Variants in SMOC2 observed in about 807,000 individuals in gnomAD.
SMOC2 encodes the protein SPARC related modular calcium binding 2.
In SMOC2, 39 loss-of-function variants were observed where a neutral mutation model predicts 61.4. The observed-to-expected ratio is 0.64, with a 90% CI of 0.49 to 0.83. The LOEUF (loss-of-function observed/expected upper bound fraction) is 0.83. SMOC2 is among the 40% of genes least tolerant of loss of function. SMOC2 has a pLI of 0.00. For missense variants in SMOC2, 556 were observed against 592.9 expected, an observed-to-expected ratio of 0.94 and a Z score of 0.65; for synonymous variants, 247 against 239.9, an observed-to-expected ratio of 1.03 and a Z score of -0.27.
At chr6:168,527,407 A>C (rs1395367767) in intron 3 of SMOC2, among the ~76,000 whole-genome samples, 2 of 152,198 alleles carry the variant, frequency 1.3e-5, no homozygotes, top group African/African-American at 2.4e-5. Context: ...CCACACTAGC[A>C]GTCAGTAAAG....
rs571716235 is a variant in SMOC2 at position 168,649,658 on chromosome 6, C to T, written c.908-1023C>T. Among the ~76,000 whole-genome samples the T allele has an allele frequency of 7.9e-5, 12 of 152,318 alleles. No individual in the cohort carries two copies. The East Asian group carries it at 1.9e-3, about 24-fold the overall frequency. Reference sequence around the variant, plus strand: ...CCAGTTGGAATCGGCAAATTTTGCTCCCTGCTTGTGAAGCTCTTAAACCCG... The same window carrying T: ...CCAGTTGGAATCGGCAAATTTTGCTTCCTGCTTGTGAAGCTCTTAAACCCG... On this transcript the variant is annotated intron_variant, in intron 9 of 12. Transcript: ENST00000356284.
rs1787669638 is a variant in SMOC2 at position 168,666,646 on chromosome 6, T to C, written c.*208T>C. ...CAGAAAATTAATCACATACAATGTATGTGTCCTCTTTTGACCTTGGAAATC... is the reference window on the plus strand; with the variant it reads ...CAGAAAATTAATCACATACAATGTACGTGTCCTCTTTTGACCTTGGAAATC... On this transcript the variant is annotated 3_prime_UTR_variant, in exon 13 of 13. Transcript: ENST00000356284. 3.3e-6 allele frequency: 2 copies of C among 609,712 alleles called. No homozygotes were observed. Among genetic ancestry groups the C allele is most frequent in the Admixed American group, 6.1e-5 (2 of 32,842 alleles). 37.8% of individuals were successfully genotyped at this position (609,712 alleles called of 1,614,324 possible).
intron 1 of SMOC2, among the ~76,000 whole-genome samples, chr6:168,480,219 T>C (rs1782176027): frequency 6.6e-6 from 1 of 152,096 alleles, no homozygotes; most frequent in Non-Finnish European, 1.5e-5. Flanking sequence ...TTACAAGGCA[T>C]ACAGAAAATG....
In SMOC2 at chr6:168,607,101, G is replaced by A. The variant is rs58918167; in HGVS notation, c.825-1056G>A. ...TCTCCCGGGAACGCACCTCCCCGGC[G>A]TCTCCTTCATGCTGGTGAGAAGCCC... On this transcript the variant is annotated intron_variant, in intron 8 of 12. Coordinates refer to ENST00000356284, the MANE Select transcript of SMOC2 (RefSeq NM_001166412.2). Among the ~76,000 whole-genome samples the A allele has an allele frequency of 1.0e-2, 1,514 of 152,150 alleles. 25 individuals are homozygous for A. The highest frequency in any genetic ancestry group is 0.034 in the African/African-American group (1,431 of 41,490).
intron 1 of SMOC2, among the ~76,000 whole-genome samples, chr6:168,480,518 T>C (rs763103145): frequency 2.4e-4 from 37 of 152,012 alleles, no homozygotes; most frequent in Non-Finnish European, 4.3e-4. Context: ...TTTGAGCAGA[T>C]GGAAGAAAGG....
chr6:168,651,489 CT>C (rs1385110986), intron 10 of SMOC2, among the ~76,000 whole-genome samples: 1 of 152,156 alleles, frequency 6.6e-6, no homozygotes, highest in African/African-American at 2.4e-5. Context: ...GATATTCCCC[CT>C]GATCTAGCCA....
chr6:168,600,156 A>G (rs929213920), intron 8 of SMOC2, among the ~76,000 whole-genome samples: 5 of 152,282 alleles, frequency 3.3e-5, no homozygotes, highest in Admixed American at 1.3e-4. Context: ...CTGTAATCCC[A>G]GAACCGTGGG....
intron 9 of SMOC2, among the ~76,000 whole-genome samples, chr6:168,644,993 A>G (rs1035327638): frequency 6.6e-6 from 1 of 152,254 alleles, no homozygotes; most frequent in South Asian, 2.1e-4. Flanking sequence ...AAAGAAAATT[A>G]TAAACTATTT....
intron 9 of SMOC2, among the ~76,000 whole-genome samples, chr6:168,616,253 C>G (rs1457672440): frequency 6.6e-6 from 1 of 152,212 alleles, no homozygotes; most frequent in Non-Finnish European, 1.5e-5. Context: ...TAGAAACATA[C>G]TACTGTAATT....
intron 9 of SMOC2, among the ~76,000 whole-genome samples, chr6:168,640,682 G>A (rs1786872939): frequency 6.6e-6 from 1 of 152,142 alleles, no homozygotes; most frequent in African/African-American, 2.4e-5. Context: ...AAAACATAGA[G>A]AGTCTATCTT....
At chr6:168,538,706 G>T (rs1469380395) in intron 4 of SMOC2, among the ~76,000 whole-genome samples, 10 of 119,376 alleles carry the variant, frequency 8.4e-5, no homozygotes, top group Non-Finnish European at 1.7e-4. Context: ...CTGCTGGAAT[G>T]TGAGGGGGAG....
chr6:168,451,633 C>G (rs976437260), intron 1 of SMOC2, among the ~76,000 whole-genome samples: 17 of 151,960 alleles, frequency 1.1e-4, no homozygotes, highest in Non-Finnish European at 2.1e-4. Flanking sequence ...CTCTCTCCCT[C>G]CCTCTCTGGG....
chr6:168,474,952 T>C (rs1240429746), intron 1 of SMOC2, among the ~76,000 whole-genome samples: 3 of 152,158 alleles, frequency 2.0e-5, no homozygotes, highest in Admixed American at 6.5e-5. Flanking sequence ...AGTGATACCA[T>C]ACTGCTGACT....
At position 168,549,157 on chromosome 6, in the gene SMOC2, G is replaced by T; in HGVS notation, c.591G>T (p.Trp197Cys). The part of the protein sequence containing the change: ...EDIASRYPTL[W>C]TEQVKSRQNK... ...TTGCATCACGTTACCCTACCCTTTG[G>T]ACTGAACAGGTTAAAAGTCGGCAGA... Residue 197 changes from tryptophan to cysteine, a missense_variant, in exon 7 of 13, where the codon TGG becomes TGT. Coordinates refer to ENST00000356284, the MANE Select transcript of SMOC2 (RefSeq NM_001166412.2). 2.5e-6 allele frequency: 4 copies of T among 1,614,134 alleles called. No homozygotes were observed. Among genetic ancestry groups the T allele is most frequent in the South Asian group, 1.1e-5 (1 of 91,072 alleles).
At chr6:168,579,003 C>T (rs1283686805) in intron 7 of SMOC2, among the ~76,000 whole-genome samples, 1 of 152,174 alleles carries the variant, frequency 6.6e-6, no homozygotes, top group Non-Finnish European at 1.5e-5. Context: ...CCCTGAGTGC[C>T]CACCACCGAC....
chr6:168,592,582 C>T (rs1785217591), intron 7 of SMOC2, among the ~76,000 whole-genome samples: 1 of 139,292 alleles, frequency 7.2e-6, no homozygotes, highest in African/African-American at 2.8e-5. Context: ...TCACGAGGGG[C>T]ATCTTTCTAG....
chr6:168,664,327 T>G (rs1374681307), intron 12 of SMOC2: 3 of 596,616 alleles, frequency 5.0e-6, no homozygotes, highest in Non-Finnish European at 8.9e-6. Context: ...GAAAAAAGTT[T>G]ATTATTTGAA....
intron 7 of SMOC2, among the ~76,000 whole-genome samples, chr6:168,555,753 C>A (rs1430732495): frequency 6.6e-6 from 1 of 152,190 alleles, no homozygotes; most frequent in Non-Finnish European, 1.5e-5. Flanking sequence ...AGTGGCCGCC[C>A]GGACACACCT....
In SMOC2 at chr6:168,650,784, G is replaced by A. The variant is rs764312330; in HGVS notation, c.1010+1G>A. Reference sequence around the variant, plus strand: ...CCGACCCCTCCTCCTCGTCAGGCAGGTACGCTGTGTTCGCCGTGGGACAAC... The same window carrying A: ...CCGACCCCTCCTCCTCGTCAGGCAGATACGCTGTGTTCGCCGTGGGACAAC... On this transcript the variant is annotated splice_donor_variant, in intron 10 of 12. Transcript: ENST00000356284. LOFTEE classifies it high-confidence loss of function. The A allele has an allele frequency of 6.2e-7, 1 of 1,609,116 alleles. No individual in the cohort carries two copies. The highest frequency in any genetic ancestry group is 8.5e-7 in the Non-Finnish European group (1 of 1,179,156).
Sources: gnomAD v4.1 joint callset for allele counts (sites outside exome capture counted in the v4.1 genomes callset) on GRCh38, gnomAD v4.1.1 for gene constraint, MANE v1.5 for transcripts, NCBI Gene and HGNC (gene_info 2026-07-23, HGNC 2026-07-21) for gene names.